The following SDK1 variants were observed in gnomAD, a reference collection of about 807,000 sequenced individuals.
SDK1 encodes sidekick cell adhesion molecule 1, also known as protein sidekick-1.
A neutral mutation model predicts 245.5 loss-of-function variants in SDK1; 157 were observed. The observed-to-expected ratio is 0.64, with a 90% CI of 0.56 to 0.73. SDK1 has a LOEUF of 0.73. Ranked by LOEUF, SDK1 falls within the 30% of genes least tolerant of loss-of-function variation. The pLI is 0.00. For synonymous variants in SDK1, 1,647 were observed against 1,278.5 expected (o/e 1.29, Z -6.15); for missense variants, 3,583 against 3,002.3 (o/e 1.19, Z -4.52).
intron 1 of SDK1, among the ~76,000 whole-genome samples, chr7:3,437,187 A>T (rs1458627285): frequency 6.6e-6 from 1 of 152,178 alleles, no homozygotes; most frequent in Non-Finnish European, 1.5e-5. Flanking sequence ...GGGTGAAAGG[A>T]GATATTCCAA....
intron 1 of SDK1, among the ~76,000 whole-genome samples, chr7:3,518,586 C>T (rs1189498156): frequency 6.6e-6 from 1 of 151,852 alleles, no homozygotes; most frequent in East Asian, 1.9e-4. Context: ...AAAGTATGCT[C>T]AACATCACTA....
At chr7:3,514,502 T>C (rs202122094) in intron 1 of SDK1, among the ~76,000 whole-genome samples, 1 of 152,146 alleles carries the variant, frequency 6.6e-6, no homozygotes, top group South Asian at 2.1e-4. Flanking sequence ...GGTTTGGCGG[T>C]CCCACAGCCA....
At chr7:3,880,754 CG>C (rs1231926305) in intron 5 of SDK1, among the ~76,000 whole-genome samples, 1 of 152,022 alleles carries the variant, frequency 6.6e-6, no homozygotes, top group Non-Finnish European at 1.5e-5. Flanking sequence ...ACAAACCAGA[CG>C]GGCTGAGAGC....
intron 4 of SDK1, among the ~76,000 whole-genome samples, chr7:3,734,240 C>A (rs1779260432): frequency 6.6e-6 from 1 of 152,118 alleles, no homozygotes; most frequent in Non-Finnish European, 1.5e-5. Flanking sequence ...CACTGCCAGG[C>A]CTATTAGCAG....
chr7:3,787,879 A>G (rs1316924696), intron 4 of SDK1, among the ~76,000 whole-genome samples: 2 of 152,156 alleles, frequency 1.3e-5, no homozygotes, highest in Non-Finnish European at 2.9e-5. Context: ...CTACCTCAGG[A>G]CCGCTGGAGT....
chr7:3,564,281 T>C (rs1362334697), intron 1 of SDK1, among the ~76,000 whole-genome samples: 3 of 152,002 alleles, frequency 2.0e-5, no homozygotes, highest in Admixed American at 2.0e-4. Context: ...ACTTGATTCT[T>C]TGAAAGATAA....
rs188876895 is a variant in SDK1, at chr7:4,008,064, G to A, written c.2132-2902G>A. Among the ~76,000 whole-genome samples the A allele has an allele frequency of 3.4e-4, 51 of 152,150 alleles. 1 individual carries two copies. The highest frequency in any genetic ancestry group is 3.1e-3 in the East Asian group (16 of 5,174). ...CTGCACCACTAAACAGTCGCTCCCC[G>A]TTGCCCTTTCCCCTGCTCCTCCTAC... On this transcript the variant is annotated intron_variant, in intron 14 of 44. Transcript: ENST00000404826.
chr7:3,820,597 C>T (rs933083077), intron 4 of SDK1, among the ~76,000 whole-genome samples: 3 of 152,224 alleles, frequency 2.0e-5, no homozygotes, highest in Non-Finnish European at 2.9e-5. Context: ...TGTTTTTATT[C>T]TTTTTTAAAA....
chr7:3,311,667 G>A (rs537953115), intron 1 of SDK1, among the ~76,000 whole-genome samples: 47 of 152,204 alleles, frequency 3.1e-4, no homozygotes, highest in Admixed American at 2.1e-3. Context: ...CATATGTTGC[G>A]ACTCGTGGAG....
At chr7:3,361,127 T>C (rs948287252) in intron 1 of SDK1, among the ~76,000 whole-genome samples, 11 of 152,202 alleles carry the variant, frequency 7.2e-5, no homozygotes, top group African/African-American at 2.4e-4. Flanking sequence ...GAAAAAAATC[T>C]GCAATTGATA....
intron 9 of SDK1, among the ~76,000 whole-genome samples, chr7:3,963,492 C>G (rs1352035725): frequency 1.6e-5 from 1 of 64,506 alleles, no homozygotes; most frequent in Non-Finnish European, 2.8e-5. Context: ...TACACTCAGC[C>G]CCATGGCTAC....
intron 5 of SDK1, among the ~76,000 whole-genome samples, chr7:3,846,660 G>C (rs953195880): frequency 6.6e-6 from 1 of 152,138 alleles, no homozygotes; most frequent in African/African-American, 2.4e-5. Flanking sequence ...TCCGTTGAAG[G>C]CTAAAATTTC....
At chr7:3,830,842 G>C (rs539240973) in intron 5 of SDK1, among the ~76,000 whole-genome samples, 62 of 152,072 alleles carry the variant, frequency 4.1e-4, no homozygotes, top group Non-Finnish European at 8.7e-4. Context: ...CTTAGACTTA[G>C]CCAGCAGCGA....
At chr7:3,663,051 T>C (rs1452003248) in intron 4 of SDK1, among the ~76,000 whole-genome samples, 1 of 152,240 alleles carries the variant, frequency 6.6e-6, no homozygotes, top group Non-Finnish European at 1.5e-5. Context: ...AATCAGATAG[T>C]ACACATATTT....
chr7:3,462,636 C>G (rs1216702536), intron 1 of SDK1, among the ~76,000 whole-genome samples: 2 of 152,160 alleles, frequency 1.3e-5, no homozygotes, highest in Admixed American at 6.5e-5. Flanking sequence ...CCTAGTCCAG[C>G]TGTACCATAA....
intron 1 of SDK1, among the ~76,000 whole-genome samples, chr7:3,600,781 C>G (rs1373165316): frequency 1.3e-5 from 2 of 152,140 alleles, no homozygotes; most frequent in African/African-American, 4.8e-5. Flanking sequence ...ATCTCCTGAC[C>G]TCATGATCCG....
chr7:3,946,828 G>C (rs1295398411), intron 5 of SDK1, among the ~76,000 whole-genome samples: 1 of 152,194 alleles, frequency 6.6e-6, no homozygotes, highest in African/African-American at 2.4e-5. Context: ...TGTTTAAAGG[G>C]AGCTGGGTAG....
chr7:3,851,121 T>C (rs1356628716), intron 5 of SDK1, among the ~76,000 whole-genome samples: 2 of 152,240 alleles, frequency 1.3e-5, no homozygotes, highest in Non-Finnish European at 2.9e-5. Flanking sequence ...TTCAAAATTA[T>C]ACCCTACGTG....
rs75714753 is a variant in SDK1 at position 3,404,615 on chromosome 7, T to G, written c.298+102731T>G. ...ATCATTAAATACTTCCAAACTGGTTTGGAAAGCTTCTCTGGGCTGAAAGCC... is the reference window on the plus strand; with the variant it reads ...ATCATTAAATACTTCCAAACTGGTTGGGAAAGCTTCTCTGGGCTGAAAGCC... On this transcript the variant is annotated intron_variant, in intron 1 of 44. Transcript: ENST00000404826. Among the ~76,000 whole-genome samples, 929 of 152,360 alleles carry G rather than the reference T, an allele frequency of 6.1e-3. 15 individuals are homozygous for G. The highest frequency in any genetic ancestry group is 0.038 in the Admixed American group (578 of 15,300).
Sources: gnomAD v4.1 joint callset for allele counts (sites outside exome capture counted in the v4.1 genomes callset) on GRCh38, gnomAD v4.1.1 for gene constraint, MANE v1.5 for transcripts, NCBI Gene and HGNC (gene_info 2026-07-23, HGNC 2026-07-21) for gene names.